The following FBXL17 variants were observed in gnomAD, a reference collection of about 807,000 sequenced individuals.
FBXL17 encodes the protein F-box and leucine rich repeat protein 17.
A neutral mutation model predicts 66.2 loss-of-function variants in FBXL17; 22 were observed. The ratio of observed to expected loss-of-function variants is 0.33; its 90% confidence interval spans 0.24 to 0.47. FBXL17 has a LOEUF of 0.47. Among genes scored for constraint, FBXL17 ranks in the 20% least tolerant of loss-of-function variants. The pLI, the probability that FBXL17 is intolerant of heterozygous loss-of-function variation, is 1.00. For missense variants in FBXL17, 878 were observed against 948.2 expected (o/e 0.93, Z 0.97); for synonymous variants, 474 against 400.5 (o/e 1.18, Z -2.19).
chr5:108,081,836 C>T, intron 6 of FBXL17, among the ~76,000 whole-genome samples: 1 of 152,102 alleles, frequency 6.6e-6, no homozygotes. Context: ...TTCCTCCAGC[C>T]CCACTCCACC....
At chr5:108,209,144 T>C (rs1353912531) in intron 5 of FBXL17, among the ~76,000 whole-genome samples, 3 of 152,228 alleles carry the variant, frequency 2.0e-5, no homozygotes, top group African/African-American at 7.2e-5. Context: ...ATGCTTGTGA[T>C]TTTTGCACAT....
At chr5:107,982,433 C>A (rs191193019) in intron 7 of FBXL17, among the ~76,000 whole-genome samples, 1 of 151,054 alleles carries the variant, frequency 6.6e-6, no homozygotes, top group East Asian at 1.9e-4. Context: ...CTTTATGAGG[C>A]TTTTCTCAAT....
At chr5:108,036,125 T>G (rs773590161) in intron 6 of FBXL17, among the ~76,000 whole-genome samples, 1 of 152,318 alleles carries the variant, frequency 6.6e-6, no homozygotes, top group African/African-American at 2.4e-5. Context: ...TTTTATGGAT[T>G]GAGATGACTG....
intron 6 of FBXL17, among the ~76,000 whole-genome samples, chr5:108,095,889 GATC>G (rs1341054109): frequency 2.6e-5 from 4 of 152,090 alleles, no homozygotes; most frequent in Non-Finnish European, 5.9e-5. Context: ...AGACAGGTAA[GATC>G]ATTGCAAGAC....
In FBXL17 at chr5:108,180,792, T is replaced by C. The variant is rs1199934739; in HGVS notation, c.1745+5325A>G. 2.6e-5 allele frequency among the ~76,000 whole-genome samples: 4 copies of C among 152,160 alleles called. 1 individual carries two copies. Among genetic ancestry groups the C allele is most frequent in the African/African-American group, 9.7e-5 (4 of 41,448 alleles). On this transcript the variant is annotated intron_variant, in intron 6 of 8. Coordinates refer to ENST00000542267, the MANE Select transcript of FBXL17 (RefSeq NM_001163315.3). ...AGCTACCGGATGTTAGATAATCTTA[T>C]TTATCTTGTATTATTTTTCTATATT...
At chr5:108,149,539 G>A (rs1028816411) in intron 6 of FBXL17, among the ~76,000 whole-genome samples, 2 of 152,118 alleles carry the variant, frequency 1.3e-5, no homozygotes, top group Admixed American at 6.5e-5. Flanking sequence ...CTCTAGTCTT[G>A]GCTTCTTTTA....
chr5:108,171,755 G>A (rs916359819), intron 6 of FBXL17, among the ~76,000 whole-genome samples: 4 of 152,186 alleles, frequency 2.6e-5, no homozygotes, highest in African/African-American at 9.6e-5. Flanking sequence ...ACTAAGATTG[G>A]ATAGTGATAT....
At chr5:108,288,380 G>C (rs1438794658) in intron 4 of FBXL17, among the ~76,000 whole-genome samples, 2 of 151,316 alleles carry the variant, frequency 1.3e-5, no homozygotes, top group East Asian at 3.9e-4. Flanking sequence ...GAAAAAAATG[G>C]GACCAACAGA....
At chr5:108,377,392 TG>T (rs1290835086) in intron 1 of FBXL17, among the ~76,000 whole-genome samples, 3 of 152,266 alleles carry the variant, frequency 2.0e-5, no homozygotes, top group Non-Finnish European at 4.4e-5. Flanking sequence ...GGTTTTTCCT[TG>T]TTTTCCCCTA....
intron 4 of FBXL17, among the ~76,000 whole-genome samples, chr5:108,233,979 A>C (rs1206675154): frequency 6.6e-6 from 1 of 152,138 alleles, no homozygotes; most frequent in African/African-American, 2.4e-5. Context: ...GTAGGGACAA[A>C]AGAAAAGCCC....
intron 6 of FBXL17, among the ~76,000 whole-genome samples, chr5:108,108,447 G>A (rs1749896536): frequency 6.6e-6 from 1 of 152,176 alleles, no homozygotes; most frequent in South Asian, 2.1e-4. Context: ...TTTAGATATA[G>A]GAGTCAATTT....
intron 1 of FBXL17, among the ~76,000 whole-genome samples, chr5:108,375,342 C>T (rs531191031): frequency 6.8e-6 from 1 of 147,866 alleles, no homozygotes; most frequent in African/African-American, 2.5e-5. Context: ...CACCACTGCA[C>T]TCAAGCCTGG....
chr5:108,122,860 C>A (rs1580472796), intron 6 of FBXL17, among the ~76,000 whole-genome samples: 1 of 152,030 alleles, frequency 6.6e-6, no homozygotes, highest in East Asian at 1.9e-4. Context: ...TGCAAGAAAA[C>A]AACATGTTCC....
intron 7 of FBXL17, among the ~76,000 whole-genome samples, chr5:108,010,238 C>G (rs1312825688): frequency 1.3e-5 from 2 of 152,170 alleles, no homozygotes; most frequent in Non-Finnish European, 2.9e-5. Flanking sequence ...TCCAAGAGGT[C>G]CATTTTCAAT....
intron 8 of FBXL17, chr5:107,879,137 C>A (rs1351385408): frequency 2.0e-6 from 2 of 985,274 alleles, no homozygotes; most frequent in African/African-American, 3.5e-5. Context: ...CTGTAACATA[C>A]AACTTCTACA....
intron 6 of FBXL17, among the ~76,000 whole-genome samples, chr5:108,055,285 A>G (rs1400697425): frequency 3.4e-4 from 13 of 38,284 alleles, no homozygotes; most frequent in African/African-American, 1.4e-3. Context: ...TTTTAGAAAA[A>G]AAAAAAAAAA....
chr5:107,965,186 T>C (rs963515601), intron 7 of FBXL17, among the ~76,000 whole-genome samples: 3 of 152,156 alleles, frequency 2.0e-5, no homozygotes, highest in Admixed American at 6.6e-5. Context: ...GGTATTTTCA[T>C]TGATGTCTTT....
At chr5:108,261,993 G>C (rs941430692) in intron 4 of FBXL17, among the ~76,000 whole-genome samples, 1 of 151,668 alleles carries the variant, frequency 6.6e-6, no homozygotes, top group East Asian at 1.9e-4. Flanking sequence ...TGGGGAGATG[G>C]GGGGGATGGG....
intron 4 of FBXL17, among the ~76,000 whole-genome samples, chr5:108,336,617 TAATAAA>T (rs1014335562): frequency 3.9e-5 from 6 of 152,044 alleles, no homozygotes; most frequent in African/African-American, 1.4e-4. Context: ...TGTAATAAAA[TAATAAA>T]AATAACTCAG....
Sources: allele counts gnomAD v4.1 joint callset (sites outside exome capture counted in the v4.1 genomes callset), GRCh38; gene constraint gnomAD v4.1.1; transcripts MANE v1.5; gene names NCBI Gene and HGNC (gene_info 2026-07-23, HGNC 2026-07-21).